The following TTC7B variants were observed in gnomAD, a reference collection of about 807,000 sequenced individuals.
TTC7B encodes the protein tetratricopeptide repeat protein 7B.
Under a neutral mutation model 106.8 loss-of-function variants are expected in TTC7B, and 28 were observed. That is an observed-to-expected ratio of 0.26 (90% CI 0.19 to 0.36). The LOEUF (loss-of-function observed/expected upper bound fraction) is 0.36, where lower values mean the gene tolerates loss of function less well. TTC7B is among the 10% of genes least tolerant of loss of function. The pLI is 1.00. For missense variants in TTC7B, 862 were observed against 1,076.4 expected, an observed-to-expected ratio of 0.80 and a Z score of 2.79; for synonymous variants, 405 against 430.6, an observed-to-expected ratio of 0.94 and a Z score of 0.74.
chr14:90,724,920 G>A (rs1163500469), intron 5 of TTC7B, among the ~76,000 whole-genome samples: 1 of 152,120 alleles, frequency 6.6e-6, no homozygotes, highest in African/African-American at 2.4e-5. Flanking sequence ...TTCTTTCATT[G>A]TTTATGCTTT....
At chr14:90,605,522 T>C in intron 17 of TTC7B, 1 of 1,088,312 alleles carries the variant, frequency 9.2e-7, no homozygotes, top group Non-Finnish European at 1.1e-6. Flanking sequence ...CTCCAGCTTA[T>C]CAGTTAGGAA....
rs761338939 is a variant in TTC7B at position 90,816,310 on chromosome 14, G to T, written c.-15C>A. 14 of 1,115,972 alleles carry T rather than the reference G, an allele frequency of 1.3e-5. No individual in the cohort carries two copies. The highest frequency in any genetic ancestry group is 1.6e-5 in the Non-Finnish European group (14 of 894,486). The allele number at this position is 1,115,972 out of a possible 1,614,324, so 69.1% of individuals were successfully genotyped here. A position where few individuals can be genotyped will look rare whatever the true frequency, so the allele number is the denominator to read the frequency against. On this transcript the variant is annotated 5_prime_UTR_variant, in exon 1 of 20. Transcript: ENST00000328459. ...TTGGTCGCCATCGCGGCCTGGCCGG[G>T]CCCGGCCGCCCGCCCCGCAGGCCCC...
At position 90,644,187 on chromosome 14, in the gene TTC7B, C is replaced by T. The variant is rs144792839; in HGVS notation, c.1612G>A (p.Val538Ile). 210 of 1,607,594 alleles carry T rather than the reference C, an allele frequency of 1.3e-4. No homozygotes were observed. Among genetic ancestry groups the T allele is most frequent in the Non-Finnish European group, 1.4e-4 (163 of 1,177,556 alleles). ...CCTTGAAGCTGAAGAGCTTGGCGGA[C>T]ATACCCCAGAGCCTCTGGGATCTGG... ...SRQIPEALGYVRQALQLQGDD... is the reference protein window; with the variant it reads ...SRQIPEALGYIRQALQLQGDD... The change falls in exon 15 of 20, where the codon GTC becomes ATC. Residue 538 changes from valine to isoleucine, a missense_variant. Physicochemically the swap from Val to Ile is conservative, Grantham distance 29. Coordinates refer to ENST00000328459, the MANE Select transcript of TTC7B (RefSeq NM_001010854.2).
rs1389330668 is a variant in TTC7B, at chr14:90,805,454, CAG to C, written c.121+10719_121+10720del. Among the ~76,000 whole-genome samples, 1 of 152,146 alleles carries C rather than the reference CAG, an allele frequency of 6.6e-6. No homozygotes were observed. The highest frequency in any genetic ancestry group is 2.4e-5 in the African/African-American group (1 of 41,430). On this transcript the variant is annotated intron_variant, in intron 1 of 19. Coordinates refer to ENST00000328459, the MANE Select transcript of TTC7B (RefSeq NM_001010854.2). The surrounding 1 kb of genome is among the most constrained non-coding windows in gnomAD (Gnocchi z 4.0). ...AATTTTTTTGTACTTTTAGTAGAGA[CAG>C]AGTTTCACCATGTTGGCCGGGCTGG...
intron 5 of TTC7B, among the ~76,000 whole-genome samples, chr14:90,719,142 G>T: frequency 6.6e-6 from 1 of 152,010 alleles, no homozygotes; most frequent in Non-Finnish European, 1.5e-5. Context: ...TGGGCCTGGT[G>T]GCACGCACCT....
intron 8 of TTC7B, among the ~76,000 whole-genome samples, chr14:90,677,560 G>A (rs1174616727): frequency 6.6e-6 from 1 of 151,964 alleles, no homozygotes; most frequent in African/African-American, 2.4e-5. Flanking sequence ...GTTAGATTTC[G>A]CCTGCCTTTT....
chr14:90,771,770 T>C (rs1890871469), intron 3 of TTC7B, among the ~76,000 whole-genome samples: 1 of 151,508 alleles, frequency 6.6e-6, no homozygotes, highest in Admixed American at 6.6e-5. Context: ...ATAAAAATAG[T>C]AAATACATAT....
intron 5 of TTC7B, among the ~76,000 whole-genome samples, chr14:90,720,715 A>C (rs530701485): frequency 6.6e-6 from 1 of 152,368 alleles, no homozygotes; most frequent in South Asian, 2.1e-4. Context: ...ACTTTTAGAC[A>C]CGAAATTATA....
intron 3 of TTC7B, among the ~76,000 whole-genome samples, chr14:90,778,572 C>T (rs1342636074): frequency 6.7e-6 from 1 of 148,960 alleles, no homozygotes; most frequent in African/African-American, 2.6e-5. Context: ...TGCTGTGCTT[C>T]CAGAATGCTG....
chr14:90,747,166 C>A (rs1889992745), intron 3 of TTC7B, among the ~76,000 whole-genome samples: 1 of 152,172 alleles, frequency 6.6e-6, no homozygotes, highest in Admixed American at 6.5e-5. Flanking sequence ...GTGCTCCATG[C>A]CTATGTGACT....
rs544833062 is a variant in TTC7B, at chr14:90,620,371, G to T, written c.1752-2326C>A. The stretch of plus-strand genomic sequence containing the variant: ...TCAGGGTGCCTCTGTGGGGATTAAA[G>T]ACACCAGAAGCTGGCTCCTGCTGAA... On this transcript the variant is annotated intron_variant, in intron 15 of 19. Coordinates refer to ENST00000328459, the MANE Select transcript of TTC7B (RefSeq NM_001010854.2). 3.9e-5 allele frequency among the ~76,000 whole-genome samples: 6 copies of T among 152,260 alleles called. No individual in the cohort carries two copies. In the South Asian group the frequency reaches 1.0e-3, roughly 26 times the overall value.
rs1889460999 is a variant in TTC7B, at chr14:90,538,142, C to T, written c.*3226G>A. 1 of 152,242 alleles carries T rather than the reference C, an allele frequency of 6.6e-6. No homozygotes were observed. The highest frequency in any genetic ancestry group is 2.1e-4 in the South Asian group (1 of 4,818). 9.4% of individuals were successfully genotyped at this position (152,242 alleles called of 1,614,324 possible). ...TGAAATGTTTATCCCTCAGGCCTGT[C>T]TCAATCTTAGTTCTGCCAGGTAATT... On this transcript the variant is annotated 3_prime_UTR_variant, in exon 20 of 20. Transcript: ENST00000328459.
intron 3 of TTC7B, among the ~76,000 whole-genome samples, chr14:90,770,313 G>A (rs1204778415): frequency 6.6e-6 from 1 of 152,158 alleles, no homozygotes. Context: ...GAGAAACAGA[G>A]AATTCTATAA....
chr14:90,536,598 C>A lies in TTC7B; in HGVS notation c.*4770G>T. On this transcript the variant is annotated 3_prime_UTR_variant, in exon 20 of 20. Coordinates refer to ENST00000328459, the MANE Select transcript of TTC7B (RefSeq NM_001010854.2). ...CCCTCATCCCTGGCGTCTCCCCTCC[C>A]TCACACCCAGCTCCATGTGTGAGCA... is the stretch of plus-strand genomic sequence containing the variant. 6.5e-6 allele frequency: 1 copy of A among 152,752 alleles called. No homozygotes were observed. The allele number at this position is 152,752 out of a possible 1,614,324, so 9.5% of individuals were successfully genotyped here. A position where few individuals can be genotyped will look rare whatever the true frequency, so the allele number is the denominator to read the frequency against.
chr14:90,630,831 G>GTT lies in TTC7B; in HGVS notation c.1752-12788_1752-12787dup, dbSNP rs201616174. 6.7e-3 allele frequency among the ~76,000 whole-genome samples: 950 copies of GTT among 141,740 alleles called. 19 individuals carry two copies. The highest frequency in any genetic ancestry group is 0.022 in the African/African-American group (876 of 39,270). 93.0% of individuals were successfully genotyped at this position (141,740 alleles called of 152,430 possible). On this transcript the variant is annotated intron_variant, in intron 15 of 19. Coordinates refer to ENST00000328459, the MANE Select transcript of TTC7B (RefSeq NM_001010854.2). ...ATCCATCAGAATGTCCTTCTATCTT[G>GTT]TTTTTTGTTTTTTTTTTTTTTGAGA...
chr14:90,782,455 G>A (rs376455940), intron 2 of TTC7B, among the ~76,000 whole-genome samples: 12 of 152,154 alleles, frequency 7.9e-5, no homozygotes, highest in African/African-American at 2.6e-4. Context: ...AAAAATTAGT[G>A]GGGCATGGTG....
chr14:90,730,123 A>G lies in TTC7B; in HGVS notation c.650T>C (p.Phe217Ser). The G allele has an allele frequency of 6.2e-7, 1 of 1,613,838 alleles. No individual in the cohort carries two copies. Among genetic ancestry groups the G allele is most frequent in the Non-Finnish European group, 8.5e-7 (1 of 1,179,930 alleles). Reference sequence around the variant, plus strand: ...GGCTCTCTGAAGTCCTGTTTCTAGGAAAAAACCTAGTTCTTGATCGTGGGG... The same window carrying G: ...GGCTCTCTGAAGTCCTGTTTCTAGGGAAAAACCTAGTTCTTGATCGTGGGG... ...PAPHDQELGF[F>S]LETGLQRAHV... is the part of the protein sequence containing the mutation. The change falls in exon 5 of 20, where the codon TTC becomes TCC. Residue 217 changes from phenylalanine (F) to serine (S), a missense_variant. Coordinates refer to ENST00000328459, the MANE Select transcript of TTC7B (RefSeq NM_001010854.2).
At chr14:90,788,374 G>A (rs11159975) in intron 1 of TTC7B, among the ~76,000 whole-genome samples, 98,763 of 152,054 alleles carry the variant, frequency 0.65, 35,717 homozygotes, top group Non-Finnish European at 0.8. Context: ...AGAAACCCAG[G>A]ACTCAGGAAC....
intron 3 of TTC7B, among the ~76,000 whole-genome samples, chr14:90,754,752 C>T (rs1169325799): frequency 6.6e-6 from 1 of 152,142 alleles, no homozygotes; most frequent in African/African-American, 2.4e-5. Context: ...TTCTCCCAGC[C>T]CCCGGGAACC....
Sources: gnomAD v4.1 joint callset for allele counts (sites outside exome capture counted in the v4.1 genomes callset) on GRCh38, gnomAD v4.1.1 for gene constraint, Gnocchi (gnomAD v3.1) non-coding constraint, MANE v1.5 for transcripts, NCBI Gene and HGNC (gene_info 2026-07-23, HGNC 2026-07-21) for gene names.